The following GGTLC1 variants were observed in gnomAD, a reference collection of about 807,000 sequenced individuals.
The protein encoded by GGTLC1 is glutathione hydrolase light chain 1.
A neutral mutation model predicts 19.5 loss-of-function variants in GGTLC1; 14 were observed. The observed-to-expected ratio is 0.72, with a 90% CI of 0.47 to 1.12. The LOEUF (loss-of-function observed/expected upper bound fraction) is 1.12, where lower values mean the gene tolerates loss of function less well. Among genes scored for constraint, GGTLC1 ranks in the 50% most tolerant of loss-of-function variants. GGTLC1 has a pLI of 0.00. For missense variants in GGTLC1, 304 were observed against 309.2 expected, an observed-to-expected ratio of 0.98 and a Z score of 0.13; for synonymous variants, 110 against 124.2, an observed-to-expected ratio of 0.89 and a Z score of 0.76.
In GGTLC1 at chr20:23,986,166, G is replaced by A; in HGVS notation, c.214C>T (p.Leu72=). The change falls in exon 3 of 6, where the codon CTG becomes TTG. Residue 72 remains leucine (L), a synonymous_variant. Transcript: ENST00000335694. ...AAGTCATCCATTTCATTATTGAGCAGGATCCCGCTGACTGGGGAGCGCACC... is the reference window on the plus strand; with the variant it reads ...AAGTCATCCATTTCATTATTGAGCAAGATCCCGCTGACTGGGGAGCGCACC... ...SKVRSPVSGI[L]LNNEMDDFSS... is the part of the protein sequence containing the mutation. 1.2e-6 allele frequency: 2 copies of A among 1,613,552 alleles called. No homozygotes were observed. Among genetic ancestry groups the A allele is most frequent in the Non-Finnish European group, 1.7e-6 (2 of 1,179,674 alleles).
rs1292362756 is a variant in GGTLC1 at position 23,985,353 on chromosome 20, C to T, written c.541G>A (p.Ala181Thr). 1 of 1,611,808 alleles carries T rather than the reference C, an allele frequency of 6.2e-7. No homozygotes were observed. The highest frequency in any genetic ancestry group is 1.7e-5 in the Admixed American group (1 of 60,014). Reference sequence around the variant, plus strand: ...TGATGGTGCCGGGTCTCCAGGGCTGCAGTCACTTCCTGGGGGTGGGAGGAG... The same window carrying T: ...TGATGGTGCCGGGTCTCCAGGGCTGTAGTCACTTCCTGGGGGTGGGAGGAG... ...VERNIDQEVT[A>T]ALETRHHHTQ... The change falls in exon 6 of 6, where the codon GCA (alanine) becomes ACA (threonine). Residue 181 changes from alanine to threonine, a missense_variant. Physicochemically the swap from Ala to Thr is moderately conservative, Grantham distance 58. Transcript: ENST00000335694.
At chr20:23,985,491 G>T (rs572149787) in intron 5 of GGTLC1, 129 bp from the exon 6 acceptor site, 982 of 1,592,002 alleles carry the variant, frequency 6.2e-4, no homozygotes, top group Non-Finnish European at 8.1e-4. Context: ...GCAGGTTGGG[G>T]CCTGCTGGGT....
At chr20:23,985,570 A>G (rs2122389311) in intron 5 of GGTLC1, 97 bp downstream of exon 5, 1 of 1,603,196 alleles carries the variant, frequency 6.2e-7, no homozygotes, top group East Asian at 2.2e-5. Flanking sequence ...TAGAGAGAGG[A>G]CACCAACCAT....
intron 1 of GGTLC1, 118 bp downstream of exon 1, chr20:23,988,491 C>T (rs1600499147): frequency 1.2e-5 from 4 of 320,886 alleles, no homozygotes; most frequent in Non-Finnish European, 1.8e-5. Flanking sequence ...GATCTGCCGC[C>T]ATTGTGGGCA....
intron 2 of GGTLC1, 60 bp downstream of exon 2, chr20:23,986,376 G>T: frequency 6.2e-7 from 1 of 1,601,198 alleles, no homozygotes; most frequent in Non-Finnish European, 8.5e-7. Flanking sequence ...GGATAAGTGG[G>T]CAGTCCCTGA....
intron 1 of GGTLC1, among the ~76,000 whole-genome samples, chr20:23,988,279 C>CTCG (rs1988064864): frequency 6.6e-6 from 1 of 151,300 alleles, no homozygotes; most frequent in African/African-American, 2.4e-5. Context: ...AACTCCTGAG[C>CTCG]TCGTGATCCG....
chr20:23,986,043 C>G (rs1987879275), intron 3 of GGTLC1, 33 bp downstream of exon 3: 1 of 1,612,294 alleles, frequency 6.2e-7, no homozygotes, highest in African/African-American at 1.3e-5. Context: ...CCTCTCCACC[C>G]CAGTCCCCCA....
rs199682075 is a variant in GGTLC1, at chr20:23,985,204, C to T, written c.*12G>A. ...TCCTGGATTGCTTGTCAGCCTTGTC[C>T]GCCTGGAGCAATCAGTAGCCAGCAG... On this transcript the variant is annotated 3_prime_UTR_variant, in exon 6 of 6. Transcript: ENST00000335694. 6.9e-5 allele frequency: 111 copies of T among 1,611,912 alleles called. No homozygotes were observed. Among genetic ancestry groups the T allele is most frequent in the African/African-American group, 1.5e-4 (11 of 74,872 alleles).
rs4009395 is a variant in GGTLC1 at position 23,985,895 on chromosome 20, G to A, written c.384C>T (p.Ala128=). The A allele has an allele frequency of 2.0e-5, 32 of 1,612,012 alleles. No individual in the cohort carries two copies. The highest frequency in any genetic ancestry group is 1.3e-4 in the East Asian group (6 of 44,876). ...TGGCCATGGTGATCTGCGTGCCCCC[G>A]GCAGCTCCCACCACCATCCGGACCT... ...DGQVRMVVGA[A]GGTQITMATA... Residue 128 remains alanine (A), a synonymous_variant, in exon 4 of 6, where the codon GCC becomes GCT. Coordinates refer to ENST00000335694, the MANE Select transcript of GGTLC1 (RefSeq NM_178311.3).
intron 1 of GGTLC1, among the ~76,000 whole-genome samples, chr20:23,987,662 T>C (rs1308625087): frequency 6.5e-4 from 98 of 150,528 alleles, no homozygotes; most frequent in South Asian, 2.6e-3. Flanking sequence ...CCCAAGGCAG[T>C]GGCGAGGAGG....
intron 5 of GGTLC1, 127 bp downstream of exon 5, chr20:23,985,540 G>T (rs1987826430): frequency 1.9e-6 from 3 of 1,582,658 alleles, no homozygotes; most frequent in African/African-American, 2.7e-5. Context: ...TGGCACAGGG[G>T]CTCCAGATGG....
chr20:23,985,268 C>A lies in GGTLC1; in HGVS notation c.626G>T (p.Gly209Val). ...CCTGGAGTCCGAGGCAGCTGCCCAGCCACCAGCCATGCGGACGATGGCTTG... is the reference window on the plus strand; with the variant it reads ...CCTGGAGTCCGAGGCAGCTGCCCAGACACCAGCCATGCGGACGATGGCTTG... Reference protein sequence around the residue: ...VVQAIVRMAGGWAAASDSRKG... With the variant: ...VVQAIVRMAGVWAAASDSRKG... The change falls in exon 6 of 6, where the codon GGC becomes GTC. Residue 209 changes from glycine (G) to valine (V), a missense_variant. Physicochemically the swap from Gly to Val is moderately radical, Grantham distance 109. Coordinates refer to ENST00000335694, the MANE Select transcript of GGTLC1 (RefSeq NM_178311.3). 6.2e-7 allele frequency: 1 copy of A among 1,612,064 alleles called. No homozygotes were observed. Among genetic ancestry groups the A allele is most frequent in the Non-Finnish European group, 8.5e-7 (1 of 1,179,862 alleles).
rs752144369 is a variant in GGTLC1, at chr20:23,985,368, G to A, written c.532-6C>T. 6.2e-7 allele frequency: 1 copy of A among 1,611,686 alleles called. No individual in the cohort carries two copies. Among genetic ancestry groups the A allele is most frequent in the South Asian group, 1.1e-5 (1 of 90,992 alleles). ...TCCAGGGCTGCAGTCACTTCCTGGGGGTGGGAGGAGAGGGGAAGCCTGAGC... is the reference window on the plus strand; with the variant it reads ...TCCAGGGCTGCAGTCACTTCCTGGGAGTGGGAGGAGAGGGGAAGCCTGAGC... On this transcript the variant is annotated splice_region_variant and splice_polypyrimidine_tract_variant and intron_variant, in intron 5 of 5. Transcript: ENST00000335694.
At chr20:23,988,318 T>C (rs1988067382) in intron 1 of GGTLC1, among the ~76,000 whole-genome samples, 1 of 151,536 alleles carries the variant, frequency 6.6e-6, no homozygotes, top group Non-Finnish European at 1.5e-5. Flanking sequence ...AGTGCTAGGA[T>C]TATAGGCATA....
At chr20:23,986,322 C>A (rs1264896310) in intron 2 of GGTLC1, 114 bp downstream of exon 2, 15 of 1,602,440 alleles carry the variant, frequency 9.4e-6, no homozygotes, top group African/African-American at 2.7e-5. Context: ...CAAGGTTGGG[C>A]CTCAGTTTCC....
At position 23,986,488 on chromosome 20, in the gene GGTLC1, C is replaced by A. The variant is rs1845287060; in HGVS notation, c.124G>T (p.Val42Leu). ...ACAGCACTGCCGTCCTCTGCGACCACAGACAGGTGAGCAGTGCCCCCGTCA... is the reference window on the plus strand; with the variant it reads ...ACAGCACTGCCGTCCTCTGCGACCAAAGACAGGTGAGCAGTGCCCCCGTCA... ...PDDGGTAHLS[V>L]VAEDGSAVSA... The change falls in exon 2 of 6, where the codon GTG becomes TTG. Residue 42 changes from valine to leucine, a missense_variant. Coordinates refer to ENST00000335694, the MANE Select transcript of GGTLC1 (RefSeq NM_178311.3). 1 of 1,612,032 alleles carries A rather than the reference C, an allele frequency of 6.2e-7. No homozygotes were observed. Among genetic ancestry groups the A allele is most frequent in the African/African-American group, 1.3e-5 (1 of 74,994 alleles).
Position 23,986,512 on chromosome 20 carries a change from C to T in GGTLC1, c.100G>A (p.Asp34Asn), listed in dbSNP as rs768151671. Residue 34 changes from aspartate (D) to asparagine (N), a missense_variant, in exon 2 of 6, where the codon GAC becomes AAC. Physicochemically the swap from Asp to Asn is conservative, Grantham distance 23. Transcript: ENST00000335694. ...YYKPEFYMPD[D>N]GGTAHLSVVA... ...ACAGACAGGTGAGCAGTGCCCCCGT[C>T]ATCCGGCATGTAGAACTCGGGCTTG... is the stretch of plus-strand genomic sequence containing the variant. The T allele has an allele frequency of 2.5e-6, 4 of 1,611,872 alleles. No homozygotes were observed. The African/African-American group carries it at 5.3e-5, about 22-fold the overall frequency.
At chr20:23,987,380 G>T (rs1010068535) in intron 1 of GGTLC1, among the ~76,000 whole-genome samples, 2 of 152,092 alleles carry the variant, frequency 1.3e-5, no homozygotes, top group African/African-American at 2.4e-5. Flanking sequence ...GGAGGCTGTG[G>T]GTATCAACCA....
At chr20:23,987,442 C>T (rs144906232) in intron 1 of GGTLC1, among the ~76,000 whole-genome samples, 10,312 of 151,972 alleles carry the variant, frequency 0.068, 988 homozygotes, top group African/African-American at 0.22. Flanking sequence ...AGGATGGCGC[C>T]GACTAGCGAG....
Sources: allele counts gnomAD v4.1 joint callset (sites outside exome capture counted in the v4.1 genomes callset), GRCh38; gene constraint gnomAD v4.1.1; transcripts MANE v1.5; gene names NCBI Gene and HGNC (gene_info 2026-07-23, HGNC 2026-07-21).